The following EYA4 variants were observed in gnomAD, a reference collection of about 807,000 sequenced individuals.
The protein encoded by EYA4 is EYA transcriptional coactivator and phosphatase 4, also known as protein phosphatase EYA4.
Under a neutral mutation model 87.9 loss-of-function variants are expected in EYA4, and 31 were observed. The observed-to-expected ratio is 0.35, with a 90% confidence interval of 0.27 to 0.48. The LOEUF is 0.48. Among genes scored for constraint, EYA4 ranks in the 20% least tolerant of loss-of-function variants. The probability of loss-of-function intolerance (pLI) is 0.99; values close to 1 mark genes in which losing one functional copy is unlikely to be tolerated. For missense variants in EYA4, 678 were observed against 761.4 expected, an observed-to-expected ratio of 0.89 and a Z score of 1.29; for synonymous variants, 263 against 270.6, an observed-to-expected ratio of 0.97 and a Z score of 0.28.
chr6:133,514,340 G>C (rs1017766675), intron 16 of EYA4, among the ~76,000 whole-genome samples: 1 of 152,114 alleles, frequency 6.6e-6, no homozygotes, highest in Non-Finnish European at 1.5e-5. Context: ...ATATCCCCTT[G>C]GGAAATCTGA....
At chr6:133,523,663 G>C (rs900120552) in intron 18 of EYA4, among the ~76,000 whole-genome samples, 14 of 152,084 alleles carry the variant, frequency 9.2e-5, no homozygotes, top group African/African-American at 3.1e-4. Flanking sequence ...CTGGAAATCT[G>C]CATTTCCAAA....
At chr6:133,473,886 A>G (rs1055144355) in intron 11 of EYA4, among the ~76,000 whole-genome samples, 31 of 152,002 alleles carry the variant, frequency 2.0e-4, no homozygotes, top group African/African-American at 7.0e-4. Context: ...CTTACTCATT[A>G]GCCCCAGCCC....
intron 2 of EYA4, among the ~76,000 whole-genome samples, chr6:133,285,084 C>T (rs1470087543): frequency 6.7e-6 from 1 of 150,364 alleles, no homozygotes. Context: ...GCAAGCTCCA[C>T]CTCCCGGGTT....
At chr6:133,431,792 A>T (rs1791206373) in intron 3 of EYA4, among the ~76,000 whole-genome samples, 1 of 152,160 alleles carries the variant, frequency 6.6e-6, no homozygotes, top group Non-Finnish European at 1.5e-5. Context: ...GTTCCCCTTA[A>T]ATGTTCATGG....
chr6:133,334,251 G>A (rs1582989062), intron 2 of EYA4, among the ~76,000 whole-genome samples: 1 of 152,206 alleles, frequency 6.6e-6, no homozygotes, highest in African/African-American at 2.4e-5. Flanking sequence ...CGATTTTAAA[G>A]ACTAAATTGT....
intron 2 of EYA4, among the ~76,000 whole-genome samples, chr6:133,357,800 T>C (rs1171191940): frequency 6.6e-6 from 1 of 152,196 alleles, no homozygotes; most frequent in Admixed American, 6.5e-5. Context: ...CTGATAGTTT[T>C]TCCTGTGGCA....
chr6:133,376,877 G>T (rs921739153), intron 2 of EYA4, among the ~76,000 whole-genome samples: 2 of 151,912 alleles, frequency 1.3e-5, no homozygotes, highest in Non-Finnish European at 1.5e-5. Flanking sequence ...AACCTAAAAA[G>T]CTTGAGGGGT....
At chr6:133,478,181 A>G (rs2128699737) in intron 11 of EYA4, among the ~76,000 whole-genome samples, 2 of 152,278 alleles carry the variant, frequency 1.3e-5, no homozygotes, top group Middle Eastern at 3.4e-3. Flanking sequence ...ATTAATAAAA[A>G]TGAGCAGTGG....
In EYA4 at chr6:133,524,561, ACT is replaced by A. The variant is rs1426961066; in HGVS notation, c.1739-589_1739-588del. On this transcript the variant is annotated intron_variant, in intron 18 of 19. Coordinates refer to ENST00000355286, the MANE Select transcript of EYA4 (RefSeq NM_004100.5). The stretch of plus-strand genomic sequence containing the variant: ...TAGCAGAAGTTATTTGAGCAGGCTA[ACT>A]CTCACCCACTTGAAGAAAGGTGTTG... Among the ~76,000 whole-genome samples, 3 of 152,098 alleles carry A rather than the reference ACT, an allele frequency of 2.0e-5. No homozygotes were observed. The South Asian group carries it at 6.2e-4, about 31-fold the overall frequency.
intron 3 of EYA4, among the ~76,000 whole-genome samples, chr6:133,419,671 A>C (rs1340435880): frequency 2.0e-5 from 3 of 152,186 alleles, no homozygotes; most frequent in Admixed American, 2.0e-4. Context: ...TCCATGGCAA[A>C]AGAAGACTCA....
At chr6:133,305,287 G>A (rs1267556778) in intron 2 of EYA4, among the ~76,000 whole-genome samples, 4 of 152,100 alleles carry the variant, frequency 2.6e-5, no homozygotes, top group African/African-American at 9.7e-5. Context: ...TAAAGCCACT[G>A]GAGAGTTTTG....
In EYA4 at chr6:133,512,910, C is replaced by A. The variant is rs756914561; in HGVS notation, c.1373C>A (p.Ala458Glu). The A allele has an allele frequency of 6.2e-7, 1 of 1,614,054 alleles. No individual in the cohort carries two copies. The highest frequency in any genetic ancestry group is 1.1e-5 in the South Asian group (1 of 91,072). Residue 458 changes from alanine (A) to glutamate (E), a missense_variant, in exon 16 of 20, where the codon GCA becomes GAA. By Grantham distance (107) the Ala-to-Glu change is moderately radical. Coordinates refer to ENST00000355286, the MANE Select transcript of EYA4 (RefSeq NM_004100.5). ...AGTTTTGCAACTGATGGCTTCCATG[C>A]AGCTGCAAGTAGTGCAAACCTTTGT... ...TYSFATDGFH[A>E]AASSANLCLP...
chr6:133,441,831 G>T (rs952433738), intron 3 of EYA4, among the ~76,000 whole-genome samples: 1 of 152,024 alleles, frequency 6.6e-6, no homozygotes, highest in Non-Finnish European at 1.5e-5. Flanking sequence ...ATTGAAAAGG[G>T]TTGCTTTATG....
chr6:133,393,834 C>G (rs1005702948), intron 3 of EYA4, among the ~76,000 whole-genome samples: 1 of 152,004 alleles, frequency 6.6e-6, no homozygotes, highest in African/African-American at 2.4e-5. Flanking sequence ...AAGACTAGGG[C>G]TCTCTCCTGA....
chr6:133,458,389 T>A (rs1034425475), intron 6 of EYA4, among the ~76,000 whole-genome samples: 25 of 152,148 alleles, frequency 1.6e-4, no homozygotes, highest in African/African-American at 5.1e-4. Context: ...AATTTTCAAG[T>A]TTAAACACAT....
intron 3 of EYA4, among the ~76,000 whole-genome samples, chr6:133,401,014 G>A (rs573731691): frequency 6.6e-5 from 10 of 152,128 alleles, no homozygotes; most frequent in Admixed American, 3.3e-4. Flanking sequence ...TGAATGAATC[G>A]GTAAAGAAAA....
At chr6:133,422,496 G>A (rs1226863199) in intron 3 of EYA4, among the ~76,000 whole-genome samples, 1 of 151,964 alleles carries the variant, frequency 6.6e-6, no homozygotes, top group East Asian at 1.9e-4. Flanking sequence ...GTAATTATAT[G>A]GCATAGACTA....
intron 13 of EYA4, among the ~76,000 whole-genome samples, chr6:133,496,596 G>A (rs1429289844): frequency 3.3e-5 from 5 of 151,886 alleles, no homozygotes; most frequent in Non-Finnish European, 7.4e-5. Flanking sequence ...AAGGAGCACT[G>A]AACTAAAAGT....
intron 2 of EYA4, among the ~76,000 whole-genome samples, chr6:133,323,610 T>A (rs1270804916): frequency 1.3e-5 from 2 of 152,078 alleles, no homozygotes; most frequent in Non-Finnish European, 2.9e-5. Context: ...TTTGCATATA[T>A]GTAATAAAAA....
Sources: allele counts gnomAD v4.1 joint callset (sites outside exome capture counted in the v4.1 genomes callset), GRCh38; gene constraint gnomAD v4.1.1; transcripts MANE v1.5; gene names NCBI Gene and HGNC (gene_info 2026-07-23, HGNC 2026-07-21).